Variants in TCF4 observed in about 807,000 individuals in gnomAD.
The protein encoded by TCF4 is transcription factor 4.
TCF4 carries 3 observed loss-of-function variants against 82.1 expected under a neutral mutation model. The ratio of observed to expected loss-of-function variants is 0.04; its 90% CI spans 0.02 to 0.09. TCF4 has a LOEUF of 0.09. TCF4 is among the 10% of genes least tolerant of loss of function. The probability of loss-of-function intolerance (pLI) is 1.00; values close to 1 mark genes in which losing one functional copy is unlikely to be tolerated. For synonymous variants in TCF4, 276 were observed against 309.6 expected (o/e 0.89, Z 1.14); for missense variants, 518 against 852.7 (o/e 0.61, Z 4.89).
intron 8 of TCF4, among the ~76,000 whole-genome samples, chr18:55,345,134 C>T (rs1360174773): frequency 1.3e-5 from 2 of 152,070 alleles, no homozygotes; most frequent in Non-Finnish European, 2.9e-5. Context: ...TGAGTATGTG[C>T]AAGCCTCTTG....
At chr18:55,249,687 T>C (rs889632269) in intron 15 of TCF4, among the ~76,000 whole-genome samples, 2 of 152,176 alleles carry the variant, frequency 1.3e-5, no homozygotes, top group East Asian at 3.8e-4. Flanking sequence ...ATAAATGTTA[T>C]TGAAATGAAT....
intron 5 of TCF4, among the ~76,000 whole-genome samples, chr18:55,427,934 C>T (rs1323386138): frequency 6.6e-6 from 1 of 152,164 alleles, no homozygotes; most frequent in Non-Finnish European, 1.5e-5. Flanking sequence ...TGACCTCTGT[C>T]TTCAGGAAAC....
At chr18:55,582,487 G>A (rs2097585053) in intron 3 of TCF4, among the ~76,000 whole-genome samples, 1 of 152,084 alleles carries the variant, frequency 6.6e-6, no homozygotes, top group Non-Finnish European at 1.5e-5. Context: ...TTCCTGGGTT[G>A]ACAAAAGCCT....
intron 5 of TCF4, among the ~76,000 whole-genome samples, chr18:55,426,146 T>G (rs1476850749): frequency 6.7e-6 from 1 of 148,756 alleles, no homozygotes; most frequent in African/African-American, 2.6e-5. Context: ...TATATTTTCA[T>G]ACGTGTCTTT....
In TCF4 at chr18:55,365,233, G is replaced by GTA. The variant is rs1175499971; in HGVS notation, c.370-14232_370-14231dup. Among the ~76,000 whole-genome samples, 24 of 130,808 alleles carry GTA rather than the reference G, an allele frequency of 1.8e-4. 1 individual carries two copies. In the South Asian group the frequency reaches 5.3e-3, roughly 29 times the overall value. 85.8% of individuals were successfully genotyped at this position (130,808 alleles called of 152,430 possible). ...TGTATATATATGTGTGTGTGTGTGT[G>GTA]TATATATATGTGTGTGTATATATAT... On this transcript the variant is annotated intron_variant, in intron 6 of 19. Coordinates refer to ENST00000354452, the MANE Select transcript of TCF4 (RefSeq NM_001083962.2).
chr18:55,548,231 T>A (rs1011053102), intron 3 of TCF4, among the ~76,000 whole-genome samples: 16 of 152,238 alleles, frequency 1.1e-4, no homozygotes, highest in African/African-American at 3.9e-4. Flanking sequence ...TGAAAGGGAA[T>A]CCCAGGGAGG....
At chr18:55,243,144 T>C (rs868611902) in intron 15 of TCF4, among the ~76,000 whole-genome samples, 2 of 152,230 alleles carry the variant, frequency 1.3e-5, no homozygotes, top group East Asian at 1.9e-4. Flanking sequence ...TTAACACAAC[T>C]AAATAATATC....
At chr18:55,433,738 G>A (rs1031705106) in intron 5 of TCF4, among the ~76,000 whole-genome samples, 1 of 152,204 alleles carries the variant, frequency 6.6e-6, no homozygotes, top group African/African-American at 2.4e-5. Flanking sequence ...TGTTACGAGG[G>A]AAACTATATC....
At chr18:55,507,780 G>C (rs888594794) in intron 3 of TCF4, among the ~76,000 whole-genome samples, 1 of 152,136 alleles carries the variant, frequency 6.6e-6, no homozygotes, top group Non-Finnish European at 1.5e-5. Flanking sequence ...ATTTCTGGGT[G>C]TATTGTGTGT....
intron 6 of TCF4, among the ~76,000 whole-genome samples, chr18:55,396,842 G>A (rs1035041425): frequency 6.6e-6 from 1 of 152,130 alleles, no homozygotes; most frequent in Admixed American, 6.5e-5. Flanking sequence ...TAATTGTTAT[G>A]ACACTTATAT....
chr18:55,610,909 G>T (rs964654275), intron 2 of TCF4, among the ~76,000 whole-genome samples: 1 of 152,172 alleles, frequency 6.6e-6, no homozygotes, highest in African/African-American at 2.4e-5. Context: ...AGTACAGTAG[G>T]TACTGATGCC....
Position 55,624,913 on chromosome 18 carries a change from C to T in TCF4, c.286+6385G>A, listed in dbSNP as rs147824739. Among the ~76,000 whole-genome samples the T allele has an allele frequency of 7.4e-4, 113 of 152,288 alleles. 1 individual carries two copies. Among genetic ancestry groups the T allele is most frequent in the African/African-American group, 2.6e-3 (109 of 41,538 alleles). The stretch of plus-strand genomic sequence containing the variant: ...AAACTCTTCAGTGTCAAATGCCTGA[C>T]CCTTCCTCATCCTAGTACCAGTCCT... On this transcript the variant is annotated intron_variant, in intron 2 of 20. Coordinates refer to the TCF4 transcript ENST00000398339.
In TCF4 at chr18:55,228,206, T is replaced by C; in HGVS notation, c.*4+15A>G. ...TTGAATGATCGATCTCAGAAATGGC[T>C]GAAAACAAACTTGCCCTTTTACATC... On this transcript the variant is annotated intron_variant, in intron 19 of 19. Coordinates refer to ENST00000354452, the MANE Select transcript of TCF4 (RefSeq NM_001083962.2). 6.2e-7 allele frequency: 1 copy of C among 1,614,142 alleles called. No homozygotes were observed. The highest frequency in any genetic ancestry group is 1.1e-5 in the South Asian group (1 of 91,076).
At chr18:55,425,017 C>A (rs547508210) in intron 5 of TCF4, among the ~76,000 whole-genome samples, 1 of 152,172 alleles carries the variant, frequency 6.6e-6, no homozygotes, top group Non-Finnish European at 1.5e-5. Context: ...ATGCTCATGA[C>A]ATTTTAGGCA....
chr18:55,594,263 G>GT (rs780893171), intron 2 of TCF4, among the ~76,000 whole-genome samples: 3 of 152,154 alleles, frequency 2.0e-5, no homozygotes, highest in Non-Finnish European at 4.4e-5. Flanking sequence ...TCTGTCTAAA[G>GT]TAAGTACTCA....
upstream of TCF4, among the ~76,000 whole-genome samples, chr18:55,588,940 T>C (rs942381829): frequency 1.3e-5 from 2 of 152,192 alleles, no homozygotes; most frequent in Non-Finnish European, 2.9e-5. Context: ...TGTAAGTTTT[T>C]AATTCAACAT....
chr18:55,394,701 T>C (rs950914238), intron 6 of TCF4, among the ~76,000 whole-genome samples: 4 of 152,228 alleles, frequency 2.6e-5, no homozygotes, highest in Admixed American at 2.6e-4. Flanking sequence ...CAAAGAAATA[T>C]TCTTGTCGGT....
intron 3 of TCF4, among the ~76,000 whole-genome samples, chr18:55,468,447 C>T (rs1381125447): frequency 6.6e-6 from 1 of 152,178 alleles, no homozygotes; most frequent in Non-Finnish European, 1.5e-5. Context: ...ACACAGAGGA[C>T]AGAATATCCC....
At chr18:55,353,673 A>G (rs1390639764) in intron 6 of TCF4, among the ~76,000 whole-genome samples, 1 of 152,210 alleles carries the variant, frequency 6.6e-6, no homozygotes, top group Non-Finnish European at 1.5e-5. Flanking sequence ...TTTACGTCAG[A>G]TACTTAACTC....
Sources: gnomAD v4.1 joint callset for allele counts (sites outside exome capture counted in the v4.1 genomes callset) on GRCh38, gnomAD v4.1.1 for gene constraint, MANE v1.5 for transcripts, NCBI Gene and HGNC (gene_info 2026-07-23, HGNC 2026-07-21) for gene names.